Variants in SLC22A5 observed in about 807,000 individuals in gnomAD.
SLC22A5 encodes solute carrier family 22 member 5, also known as organic cation/carnitine transporter 2.
Under a neutral mutation model 56.7 loss-of-function variants are expected in SLC22A5, and 44 were observed. The ratio of observed to expected loss-of-function variants is 0.78; its 90% confidence interval spans 0.61 to 1.00. SLC22A5 has a LOEUF of 1.00. SLC22A5 is among the 50% of genes least tolerant of loss of function. The probability of loss-of-function intolerance (pLI) is 0.00; values close to 1 mark genes in which losing one functional copy is unlikely to be tolerated. For synonymous variants in SLC22A5, 278 were observed against 292.1 expected (o/e 0.95, Z 0.49); for missense variants, 675 against 723.0 (o/e 0.93, Z 0.76).
intron 1 of SLC22A5, 122 bp from the exon 2 acceptor site, chr5:132,378,256 G>C (rs1445234751): frequency 1.9e-6 from 3 of 1,613,974 alleles, no homozygotes; most frequent in East Asian, 2.2e-5. Flanking sequence ...ACCTGACTAA[G>C]TGAGTTCACA....
intron 1 of SLC22A5, chr5:132,376,072 C>T (rs1048252616): frequency 2.6e-5 from 4 of 152,220 alleles, no homozygotes. Context: ...TTCTCATCCA[C>T]CTCTTCTCAG....
chr5:132,373,559 C>A (rs1379957908), intron 1 of SLC22A5, among the ~76,000 whole-genome samples: 5 of 151,988 alleles, frequency 3.3e-5, no homozygotes, highest in Non-Finnish European at 5.9e-5. Flanking sequence ...TCGCTTGAAC[C>A]CAGGAGGCGG....
intron 5 of SLC22A5, among the ~76,000 whole-genome samples, chr5:132,388,316 CT>C (rs1349815747): frequency 1.3e-5 from 2 of 152,236 alleles, no homozygotes; most frequent in African/African-American, 4.8e-5. Flanking sequence ...AGCTCCAAAC[CT>C]GGGTTTGCTT....
intron 1 of SLC22A5, among the ~76,000 whole-genome samples, chr5:132,373,779 G>A (rs1054383464): frequency 3.9e-5 from 6 of 152,202 alleles, no homozygotes; most frequent in Non-Finnish European, 8.8e-5. Context: ...CTGGGGTACT[G>A]GGGAATTAGC....
intron 2 of SLC22A5, chr5:132,381,533 A>G (rs1429180071): frequency 6.6e-6 from 1 of 152,230 alleles, no homozygotes; most frequent in Non-Finnish European, 1.5e-5. Context: ...ATTACCTGAA[A>G]GCAATCAATT....
chr5:132,370,359 G>T lies in SLC22A5; in HGVS notation c.387G>T (p.Val129=), dbSNP rs1018330141. The change falls in exon 1 of 10, where the codon GTG becomes GTT. Residue 129 remains valine (V), a synonymous_variant. Transcript: ENST00000245407. The part of the protein sequence containing the change: ...FSQDVYLSTI[V]TEWNLVCEDD... ...AGGACGTCTACCTGTCCACCATTGT[G>T]ACCGAGGTGGGTGCCGGCCCCTGCT... 2 of 1,612,004 alleles carry T rather than the reference G, an allele frequency of 1.2e-6. No individual in the cohort carries two copies.
At chr5:132,374,918 G>A (rs77516034) in intron 1 of SLC22A5, among the ~76,000 whole-genome samples, 1,801 of 152,230 alleles carry the variant, frequency 0.012, 38 homozygotes, top group African/African-American at 0.041. Context: ...AGCCAGGCTG[G>A]TGGTGCATCC....
Position 132,393,794 on chromosome 5 carries a change from G to C in SLC22A5, c.1569G>C (p.Gln523His). Residue 523 changes from glutamine (Q) to histidine (H), a missense_variant, in exon 9 of 10, where the codon CAG becomes CAC. By Grantham distance (24) the Gln-to-His change is conservative (BLOSUM62 0). Transcript: ENST00000245407. ...FGTPLPDTIDQMLRVKGMKHR... is the reference protein window; with the variant it reads ...FGTPLPDTIDHMLRVKGMKHR... The stretch of plus-strand genomic sequence containing the variant: ...CCCCACTCCCAGACACCATTGACCA[G>C]ATGCTAAGAGTCAAAGGGTAAGAAG... The C allele has an allele frequency of 6.2e-7, 1 of 1,614,158 alleles. No homozygotes were observed. The highest frequency in any genetic ancestry group is 8.5e-7 in the Non-Finnish European group (1 of 1,180,022).
rs2126789736 is a variant in SLC22A5, at chr5:132,390,796, T to C, written c.1159T>C (p.Tyr387His). Residue 387 changes from tyrosine (Y) to histidine (H), a missense_variant, in exon 7 of 10, where the codon TAT (tyrosine) becomes CAT (histidine). By Grantham distance (83) the Tyr-to-His change is moderately conservative. Transcript: ENST00000245407. Reference protein sequence around the residue: ...FLSAMVEVPAYVLAWLLLQYL... With the variant: ...FLSAMVEVPAHVLAWLLLQYL... ...TTCAGCGATGGTTGAAGTCCCAGCA[T>C]ATGTGTTGGCCTGGCTGCTGCTGCA... The C allele has an allele frequency of 6.2e-7, 1 of 1,614,220 alleles. No homozygotes were observed. Among genetic ancestry groups the C allele is most frequent in the Non-Finnish European group, 8.5e-7 (1 of 1,179,998 alleles).
intron 2 of SLC22A5, 96 bp downstream of exon 2, chr5:132,378,577 G>C: frequency 2.2e-6 from 2 of 893,302 alleles, no homozygotes; most frequent in East Asian, 4.8e-5. Flanking sequence ...TTCTTTCAGC[G>C]CAGGGCCCTG....
chr5:132,388,597 GCCT>G (rs1561573856), intron 5 of SLC22A5, among the ~76,000 whole-genome samples: 2 of 152,110 alleles, frequency 1.3e-5, no homozygotes, highest in African/African-American at 4.8e-5. Context: ...ATACTTAGAG[GCCT>G]CCTTGGAATG....
In SLC22A5 at chr5:132,387,036, A is replaced by T. The variant is rs2126785898; in HGVS notation, c.836A>T (p.Glu279Val). ...LCVALWWFIP[E>V]SPRWLISQGR... is the part of the protein sequence containing the mutation. ...CCTTGTACTGCCAGGTTCATCCCTG[A>T]GTCCCCCCGATGGCTCATCTCTCAG... Residue 279 changes from glutamate (E) to valine (V), a missense_variant, in exon 5 of 10, where the codon GAG (glutamate) becomes GTG (valine). By Grantham distance (121) the Glu-to-Val change is moderately radical (BLOSUM62 -2). Coordinates refer to ENST00000245407, the MANE Select transcript of SLC22A5 (RefSeq NM_003060.4). The T allele has an allele frequency of 6.2e-7, 1 of 1,614,158 alleles. No individual in the cohort carries two copies. The highest frequency in any genetic ancestry group is 8.5e-7 in the Non-Finnish European group (1 of 1,179,990).
At chr5:132,383,599 A>G (rs1047531658) in intron 2 of SLC22A5, 4 of 173,084 alleles carry the variant, frequency 2.3e-5, no homozygotes, top group Non-Finnish European at 5.0e-5. Context: ...ATTAGTATAT[A>G]ATGCATAGAT....
Position 132,394,417 on chromosome 5 carries a change from A to T in SLC22A5, c.*145A>T. 1 of 734,250 alleles carries T rather than the reference A, an allele frequency of 1.4e-6. No individual in the cohort carries two copies. The highest frequency in any genetic ancestry group is 2.5e-5 in the East Asian group (1 of 39,764). 45.5% of individuals were successfully genotyped at this position (734,250 alleles called of 1,614,324 possible). A position where few individuals can be genotyped will look rare whatever the true frequency, so the allele number is the denominator to read the frequency against. ...GTGTCTGACTTGCTCCTGGATGGGC[A>T]CCCACACTCAGAGGCTACATATGGC... is the stretch of plus-strand genomic sequence containing the variant. On this transcript the variant is annotated 3_prime_UTR_variant, in exon 10 of 10. Transcript: ENST00000245407.
At chr5:132,379,246 C>G (rs1752261563) in intron 2 of SLC22A5, 1 of 152,518 alleles carries the variant, frequency 6.6e-6, no homozygotes, top group Non-Finnish European at 1.5e-5. Context: ...TGTCTTCTTT[C>G]CCTGGAGCTT....
At chr5:132,372,894 C>T (rs976325012) in intron 1 of SLC22A5, among the ~76,000 whole-genome samples, 2 of 152,170 alleles carry the variant, frequency 1.3e-5, no homozygotes, top group African/African-American at 2.4e-5. Context: ...TGCCCTCTGC[C>T]CCAAATCATA....
rs1408166345 is a variant in SLC22A5 at position 132,392,529 on chromosome 5, C to G, written c.1364C>G (p.Pro455Arg). ...MVYVYTAELY[P>R]TVVRNMGVGV... is the part of the protein sequence containing the mutation. The stretch of plus-strand genomic sequence containing the variant: ...TACGTGTACACAGCCGAGCTGTATC[C>G]CACAGTGGTGAGAAACATGGGTGTG... The change falls in exon 8 of 10, where the codon CCC becomes CGC. Residue 455 changes from proline to arginine, a missense_variant. Transcript: ENST00000245407. The G allele has an allele frequency of 5.6e-6, 9 of 1,613,926 alleles. No homozygotes were observed. Among genetic ancestry groups the G allele is most frequent in the African/African-American group, 1.3e-5 (1 of 74,872 alleles).
At chr5:132,387,349 A>G (rs1449482208) in intron 5 of SLC22A5, among the ~76,000 whole-genome samples, 198 bp downstream of exon 5, 1 of 132,644 alleles carries the variant, frequency 7.5e-6, no homozygotes, top group Admixed American at 8.8e-5. Context: ...GGAATAGGTT[A>G]CAGCTGCCTC....
rs746623532 is a variant in SLC22A5, at chr5:132,384,270, G to A, written c.621G>A (p.Gln207=). 2 of 1,614,270 alleles carry A rather than the reference G, an allele frequency of 1.2e-6. No individual in the cohort carries two copies. Among genetic ancestry groups the A allele is most frequent in the Non-Finnish European group, 1.7e-6 (2 of 1,180,040 alleles). Residue 207 remains glutamine, a synonymous_variant, in exon 3 of 10, where the codon CAG becomes CAA. Coordinates refer to ENST00000245407, the MANE Select transcript of SLC22A5 (RefSeq NM_003060.4). ...VVLFVLVGMG[Q]ISNYVAAFVL... ...TGTTTGTCCTTGTAGGCATGGGCCA[G>A]ATCTCCAACTATGTGGCAGCATTTG...
Sources: gnomAD v4.1 joint callset for allele counts (sites outside exome capture counted in the v4.1 genomes callset) on GRCh38, gnomAD v4.1.1 for gene constraint, MANE v1.5 for transcripts, NCBI Gene and HGNC (gene_info 2026-07-23, HGNC 2026-07-21) for gene names.